VWA8: variants seen among roughly 807,000 people sequenced by gnomAD.
VWA8 encodes von Willebrand factor A domain-containing protein 8.
A neutral mutation model predicts 241.5 loss-of-function variants in VWA8; 221 were observed. The observed-to-expected ratio is 0.91, with a 90% CI of 0.82 to 1.02. The LOEUF (loss-of-function observed/expected upper bound fraction) is 1.02, where lower values mean the gene tolerates loss of function less well. Ranked by LOEUF, VWA8 falls within the 50% of genes least tolerant of loss-of-function variation. The probability of loss-of-function intolerance (pLI) is 0.00; values close to 1 mark genes in which losing one functional copy is unlikely to be tolerated. For missense variants in VWA8, 2,322 were observed against 2,328.7 expected (o/e 1.00, Z 0.06); for synonymous variants, 852 against 827.1 (o/e 1.03, Z -0.52).
Position 41,595,310 on chromosome 13 carries a change from ACT to A in VWA8, c.4987-4547_4987-4546del, listed in dbSNP as rs529905541. 5.4e-3 allele frequency among the ~76,000 whole-genome samples: 826 copies of A among 152,250 alleles called. 6 individuals are homozygous for A. The highest frequency in any genetic ancestry group is 0.019 in the African/African-American group (783 of 41,544). ...TTACATATGCCAATAAAAGAAAAGGACTTGGTAAAATTTGCAGTGAGAGTAAG... is the reference window on the plus strand; with the variant it reads ...TTACATATGCCAATAAAAGAAAAGGATGGTAAAATTTGCAGTGAGAGTAAG... On this transcript the variant is annotated intron_variant, in intron 40 of 44. Coordinates refer to ENST00000379310, the MANE Select transcript of VWA8 (RefSeq NM_015058.2).
chr13:41,688,002 T>C lies in VWA8; in HGVS notation c.4131+1352A>G, dbSNP rs148747006. ...AAGAAGGTAATTAGAAGATCAATTTTTAAAATAGTTTTATCTCCAGAAAAA... is the reference window on the plus strand; with the variant it reads ...AAGAAGGTAATTAGAAGATCAATTTCTAAAATAGTTTTATCTCCAGAAAAA... On this transcript the variant is annotated intron_variant, in intron 34 of 44. Transcript: ENST00000379310. 1.1e-4 allele frequency among the ~76,000 whole-genome samples: 16 copies of C among 152,300 alleles called. No individual in the cohort carries two copies. In the East Asian group the frequency reaches 2.9e-3, roughly 28 times the overall value.
intron 5 of VWA8, among the ~76,000 whole-genome samples, chr13:41,889,921 G>T (rs1226825854): frequency 6.6e-6 from 1 of 152,138 alleles, no homozygotes; most frequent in African/African-American, 2.4e-5. Context: ...CATCTAAAGA[G>T]AAAACGTTCT....
intron 20 of VWA8, among the ~76,000 whole-genome samples, chr13:41,769,482 G>A (rs78576471): frequency 1.3e-5 from 2 of 152,132 alleles, no homozygotes; most frequent in Non-Finnish European, 2.9e-5. Context: ...CGTACTCTAC[G>A]TTGTGTGGAA....
At position 41,727,177 on chromosome 13, in the gene VWA8, A is replaced by G; in HGVS notation, c.2758+17T>C. The G allele has an allele frequency of 6.5e-7, 1 of 1,527,522 alleles. No individual in the cohort carries two copies. The highest frequency in any genetic ancestry group is 8.8e-7 in the Non-Finnish European group (1 of 1,132,998). The allele number at this position is 1,527,522 out of a possible 1,614,324, so 94.6% of individuals were successfully genotyped here. A position where few individuals can be genotyped will look rare whatever the true frequency, so the allele number is the denominator to read the frequency against. ...TATTACTGCTATTGGTATTGTTATT[A>G]TCATTACTGTTTTTACCTAAGGTAC... is the stretch of plus-strand genomic sequence containing the variant. On this transcript the variant is annotated intron_variant, in intron 24 of 44. Coordinates refer to ENST00000379310, the MANE Select transcript of VWA8 (RefSeq NM_015058.2).
chr13:41,834,875 T>C (rs1181282109), intron 12 of VWA8, among the ~76,000 whole-genome samples: 1 of 152,152 alleles, frequency 6.6e-6, no homozygotes, highest in African/African-American at 2.4e-5. Context: ...ATGTGGTACA[T>C]ACACACCGTG....
At chr13:41,753,302 A>C (rs180996561) in intron 21 of VWA8, among the ~76,000 whole-genome samples, 2 of 152,318 alleles carry the variant, frequency 1.3e-5, no homozygotes. Context: ...CAAATGAAAA[A>C]AAACTCTGGC....
At chr13:41,783,269 C>A (rs1015954240) in intron 19 of VWA8, among the ~76,000 whole-genome samples, 1 of 149,144 alleles carries the variant, frequency 6.7e-6, no homozygotes, top group Non-Finnish European at 1.5e-5. Flanking sequence ...AAATTTATTA[C>A]CCTAATCATA....
At chr13:41,912,816 A>G (rs947786107) in intron 2 of VWA8, among the ~76,000 whole-genome samples, 8 of 152,228 alleles carry the variant, frequency 5.3e-5, no homozygotes, top group African/African-American at 1.9e-4. Context: ...TTCCAGGTCT[A>G]CTATTAAATC....
chr13:41,808,454 A>C (rs1158716661), intron 17 of VWA8, among the ~76,000 whole-genome samples: 1 of 152,104 alleles, frequency 6.6e-6, no homozygotes, highest in Non-Finnish European at 1.5e-5. Context: ...GAGCAGGAGA[A>C]AGAGAGAGAG....
chr13:41,570,025 ATG>A lies in VWA8; in HGVS notation c.5609+441_5609+442del, dbSNP rs1168346402. ...ATGTCTCTATGGGGATATAATACAT[ATG>A]TGTGTATATATATGTCTAATATGTA... On this transcript the variant is annotated intron_variant, in intron 44 of 44. Coordinates refer to ENST00000379310, the MANE Select transcript of VWA8 (RefSeq NM_015058.2). Among the ~76,000 whole-genome samples the A allele has an allele frequency of 2.6e-5, 4 of 152,324 alleles. No individual in the cohort carries two copies. The East Asian group carries it at 5.8e-4, about 22-fold the overall frequency.
At chr13:41,953,809 C>CA (rs902115839) in intron 1 of VWA8, among the ~76,000 whole-genome samples, 2 of 150,704 alleles carry the variant, frequency 1.3e-5, no homozygotes, top group Non-Finnish European at 3.0e-5. Flanking sequence ...AACTCTGTGT[C>CA]AAAAAAAATT....
At chr13:41,818,270 T>G (rs1338726149) in intron 15 of VWA8, among the ~76,000 whole-genome samples, 1 of 146,570 alleles carries the variant, frequency 6.8e-6, no homozygotes. Context: ...GCCGAATTTT[T>G]AAAAAATTAA....
chr13:41,703,360 T>C lies in VWA8; in HGVS notation c.3168A>G (p.Ala1056=). 6.2e-6 allele frequency: 10 copies of C among 1,614,136 alleles called. No homozygotes were observed. The highest frequency in any genetic ancestry group is 8.5e-6 in the Non-Finnish European group (10 of 1,179,990). Residue 1056 remains alanine, a synonymous_variant, in exon 27 of 45, where the codon GCA becomes GCG. Transcript: ENST00000379310. ...ACAAGAGTTTTTGCATCCCACTTCT[T>C]GCCTGACCAATTGTCCAGTAGCCCA... The part of the protein sequence containing the change: ...TFMGYWTIGQ[A]RSGMQKLLCP...
intron 12 of VWA8, among the ~76,000 whole-genome samples, chr13:41,857,180 T>C: frequency 6.6e-6 from 1 of 152,192 alleles, no homozygotes; most frequent in Non-Finnish European, 1.5e-5. Context: ...TTAAATGTGA[T>C]AAGGGAAGAA....
At chr13:41,876,968 A>T (rs531873153) in intron 9 of VWA8, among the ~76,000 whole-genome samples, 45 of 152,198 alleles carry the variant, frequency 3.0e-4, no homozygotes, top group African/African-American at 9.9e-4. Context: ...TTAAGTTGTT[A>T]CATCCATCCC....
At chr13:41,811,104 T>C (rs1870444008) in intron 17 of VWA8, 121 bp downstream of exon 17, 1 of 757,694 alleles carries the variant, frequency 1.3e-6, no homozygotes, top group Non-Finnish European at 2.1e-6. Flanking sequence ...AAGGCTGAAA[T>C]AGCTCTACAT....
intron 2 of VWA8, among the ~76,000 whole-genome samples, chr13:41,916,071 G>A (rs1271174331): frequency 1.3e-5 from 2 of 152,088 alleles, no homozygotes; most frequent in Non-Finnish European, 2.9e-5. Context: ...CCTTAATCAA[G>A]TTATTTAACC....
intron 4 of VWA8, among the ~76,000 whole-genome samples, chr13:41,895,027 A>G (rs1308256887): frequency 2.6e-5 from 4 of 152,090 alleles, no homozygotes; most frequent in African/African-American, 9.7e-5. Flanking sequence ...AAACTTGAGC[A>G]TGTTTAAATG....
chr13:41,681,181 C>T (rs1202532970), intron 35 of VWA8, among the ~76,000 whole-genome samples: 1 of 152,148 alleles, frequency 6.6e-6, no homozygotes, highest in Non-Finnish European at 1.5e-5. Context: ...GCCAGAATTC[C>T]CTCTTATCCT....
Sources: gnomAD v4.1 joint callset for allele counts (sites outside exome capture counted in the v4.1 genomes callset) on GRCh38, gnomAD v4.1.1 for gene constraint, MANE v1.5 for transcripts, NCBI Gene and HGNC (gene_info 2026-07-23, HGNC 2026-07-21) for gene names.